MTA3: variants seen among roughly 807,000 people sequenced by gnomAD.
The protein encoded by MTA3 is metastasis associated 1 family member 3, also known as metastasis-associated protein MTA3.
Under a neutral mutation model 83.5 loss-of-function variants are expected in MTA3, and 34 were observed. The ratio of observed to expected loss-of-function variants is 0.41; its 90% confidence interval spans 0.31 to 0.54. The LOEUF is 0.54. Ranked by LOEUF, MTA3 falls within the 20% of genes least tolerant of loss-of-function variation. The pLI is 0.33. For missense variants in MTA3, 761 were observed against 726.4 expected, an observed-to-expected ratio of 1.05 and a Z score of -0.55; for synonymous variants, 303 against 252.7, an observed-to-expected ratio of 1.20 and a Z score of -1.89.
intron 16 of MTA3, among the ~76,000 whole-genome samples, chr2:42,731,032 T>C (rs1668194548): frequency 6.6e-6 from 1 of 152,176 alleles, no homozygotes; most frequent in Admixed American, 6.5e-5. Context: ...CCTCTGAATT[T>C]CTGTGATATC....
Position 42,573,336 on chromosome 2 carries a change from A to G in MTA3, c.96+2832A>G, listed in dbSNP as rs540032343. 7.2e-5 allele frequency among the ~76,000 whole-genome samples: 11 copies of G among 152,240 alleles called. No homozygotes were observed. The East Asian group carries it at 2.1e-3, about 29-fold the overall frequency. On this transcript the variant is annotated intron_variant, in intron 2 of 16. Transcript: ENST00000405094. ...TTTGGGAATATCCCAGGGAATTTGC[A>G]TTATTTTTATTTTATTCCAGAGACA... is the stretch of plus-strand genomic sequence containing the variant.
chr2:42,602,700 C>G (rs1280185217), intron 3 of MTA3, among the ~76,000 whole-genome samples: 1 of 152,140 alleles, frequency 6.6e-6, no homozygotes, highest in Non-Finnish European at 1.5e-5. Context: ...AGCTTTAAAA[C>G]TGGGAGACAC....
chr2:42,532,798 C>G (rs1359835784), intron 2 of MTA3: 3 of 367,102 alleles, frequency 8.2e-6, no homozygotes, highest in African/African-American at 2.2e-5. Flanking sequence ...TCCAGCAGCT[C>G]GGGCTCCTTC....
intron 14 of MTA3, among the ~76,000 whole-genome samples, chr2:42,717,502 C>G (rs775695296): frequency 1.3e-5 from 2 of 152,138 alleles, no homozygotes; most frequent in African/African-American, 4.8e-5. Context: ...CAAATGACAG[C>G]TAATTAAAAC....
chr2:42,559,100 C>G (rs906015545), intron 2 of MTA3, among the ~76,000 whole-genome samples: 1 of 152,148 alleles, frequency 6.6e-6, no homozygotes, highest in East Asian at 1.9e-4. Context: ...TGGTGACTCC[C>G]AGATTTGTAT....
intron 2 of MTA3, among the ~76,000 whole-genome samples, chr2:42,551,578 C>A (rs1677111754): frequency 1.3e-5 from 2 of 151,992 alleles, no homozygotes; most frequent in African/African-American, 4.8e-5. Context: ...TCTCAAAGAG[C>A]TTACATTTTA....
chr2:42,711,775 A>AGTGTGTGTGTGTGTGTGTGTGTGT (rs372997456), intron 14 of MTA3, among the ~76,000 whole-genome samples: 15 of 139,504 alleles, frequency 1.1e-4, no homozygotes, highest in African/African-American at 4.2e-4. Flanking sequence ...TGTATAGGAG[A>AGTGTGTGTGTGTGTGTGTGTGTGT]GAGAGAGAGT....
intron 3 of MTA3, among the ~76,000 whole-genome samples, chr2:42,584,813 G>T (rs1468293960): frequency 6.6e-6 from 1 of 152,106 alleles, no homozygotes; most frequent in Non-Finnish European, 1.5e-5. Flanking sequence ...GCTGCAGTGA[G>T]CTGTGTTCGT....
rs185375019 is a variant in MTA3 at position 42,556,763 on chromosome 2, G to T, written c.-140-13674G>T. ...GGGGCCTTTGAGGGGCTGTATTGGT[G>T]GGGGGAATGGGAAGAGGTAGAAGCA... is the stretch of plus-strand genomic sequence containing the variant. On this transcript the variant is annotated intron_variant, in intron 2 of 17. Transcript: ENST00000405592. 1.1e-3 allele frequency among the ~76,000 whole-genome samples: 166 copies of T among 152,252 alleles called. 1 individual carries two copies. Among genetic ancestry groups the T allele is most frequent in the African/African-American group, 3.9e-3 (161 of 41,552 alleles).
chr2:42,549,317 A>T (rs1322049173), intron 2 of MTA3, among the ~76,000 whole-genome samples: 26 of 108,992 alleles, frequency 2.4e-4, no homozygotes, highest in South Asian at 2.1e-3. Context: ...TATAATATAT[A>T]ATATATTATA....
At chr2:42,655,275 A>C (rs966520668) in intron 6 of MTA3, among the ~76,000 whole-genome samples, 1 of 152,230 alleles carries the variant, frequency 6.6e-6, no homozygotes, top group African/African-American at 2.4e-5. Flanking sequence ...TAATGTGTTC[A>C]TAACCCACTT....
rs1364310798 is a variant in MTA3, at chr2:42,645,542, C to G, written c.499+1298C>G. Among the ~76,000 whole-genome samples the G allele has an allele frequency of 2.6e-5, 4 of 151,946 alleles. No individual in the cohort carries two copies. In the East Asian group the frequency reaches 7.7e-4, roughly 29 times the overall value. On this transcript the variant is annotated intron_variant, in intron 6 of 16. Coordinates refer to ENST00000405094, the MANE Select transcript of MTA3 (RefSeq NM_001330442.2). ...TTTGTCTAAAAAACAAACAAACAAA[C>G]AAACAAACAAACAAACAAAACAGCC...
intron 2 of MTA3, among the ~76,000 whole-genome samples, chr2:42,554,454 G>A (rs1038841217): frequency 2.0e-5 from 3 of 152,118 alleles, no homozygotes; most frequent in Admixed American, 2.0e-4. Context: ...TCTGATAAAA[G>A]TTAATTTGGA....
chr2:42,700,734 A>G (rs913834335), intron 11 of MTA3, among the ~76,000 whole-genome samples: 2 of 152,226 alleles, frequency 1.3e-5, no homozygotes, highest in African/African-American at 4.8e-5. Flanking sequence ...TGGTCATTCT[A>G]AATCGCCACT....
In MTA3 at chr2:42,665,971, C is replaced by A. The variant is rs116114132; in HGVS notation, c.702+6109C>A. ...AACACCTCTGATTTCTATGTTATAT[C>A]TGATCTTTTAAAAGTGTAACTGTTG... On this transcript the variant is annotated intron_variant, in intron 8 of 16. Coordinates refer to ENST00000405094, the MANE Select transcript of MTA3 (RefSeq NM_001330442.2). 9.1e-4 allele frequency among the ~76,000 whole-genome samples: 139 copies of A among 152,260 alleles called. 1 individual carries two copies. The highest frequency in any genetic ancestry group is 3.2e-3 in the African/African-American group (133 of 41,558).
At chr2:42,606,992 A>G (rs1573229466) in intron 3 of MTA3, among the ~76,000 whole-genome samples, 1 of 143,834 alleles carries the variant, frequency 7.0e-6, no homozygotes, top group South Asian at 2.5e-4. Flanking sequence ...TCAGGCAGGG[A>G]GGTTGCAGTG....
intron 9 of MTA3, among the ~76,000 whole-genome samples, chr2:42,691,921 G>C (rs1294095761): frequency 4.6e-5 from 7 of 152,212 alleles, no homozygotes; most frequent in Middle Eastern, 3.4e-3. Flanking sequence ...ATTTGTTTTT[G>C]CTCTCGTTGC....
At chr2:42,747,057 G>A (rs1046155101) in intron 16 of MTA3, among the ~76,000 whole-genome samples, 6 of 151,636 alleles carry the variant, frequency 4.0e-5, no homozygotes, top group South Asian at 2.1e-4. Flanking sequence ...GCTGGAGTGC[G>A]GTGGTGTGAT....
At chr2:42,728,647 A>G (rs374235431) in intron 16 of MTA3, among the ~76,000 whole-genome samples, 6 of 152,286 alleles carry the variant, frequency 3.9e-5, no homozygotes, top group African/African-American at 1.2e-4. Flanking sequence ...GATAAGAGCT[A>G]TTTTAACTGG....
Sources: allele counts gnomAD v4.1 joint callset (sites outside exome capture counted in the v4.1 genomes callset), GRCh38; gene constraint gnomAD v4.1.1; transcripts MANE v1.5; gene names NCBI Gene and HGNC (gene_info 2026-07-23, HGNC 2026-07-21).